NT5C2: variants seen among roughly 807,000 people sequenced by gnomAD.
The protein encoded by NT5C2 is cytosolic purine 5'-nucleotidase.
A neutral mutation model predicts 76.1 loss-of-function variants in NT5C2; 58 were observed. The ratio of observed to expected loss-of-function variants is 0.76; its 90% confidence interval spans 0.62 to 0.95. The LOEUF is 0.95. Among genes scored for constraint, NT5C2 ranks in the 40% least tolerant of loss-of-function variants. NT5C2 has a pLI of 0.00. For synonymous variants in NT5C2, 229 were observed against 237.4 expected, an observed-to-expected ratio of 0.96 and a Z score of 0.32; for missense variants, 478 against 690.3, an observed-to-expected ratio of 0.69 and a Z score of 3.45.
At chr10:103,123,070 ATT>A (rs1314306606) in intron 4 of NT5C2, among the ~76,000 whole-genome samples, 1 of 152,116 alleles carries the variant, frequency 6.6e-6, no homozygotes, top group Non-Finnish European at 1.5e-5. Flanking sequence ...AAGGAAAGAT[ATT>A]TCTTTCCCCT....
chr10:103,161,800 A>T (rs931413507), intron 3 of NT5C2, among the ~76,000 whole-genome samples: 4 of 152,216 alleles, frequency 2.6e-5, no homozygotes, highest in African/African-American at 9.6e-5. Context: ...TAAACTGTAT[A>T]AGTTCATTTA....
Position 103,093,962 on chromosome 10 carries a change from T to G in NT5C2, c.988+10A>C. The G allele has an allele frequency of 1.9e-6, 3 of 1,602,390 alleles. No homozygotes were observed. The highest frequency in any genetic ancestry group is 2.6e-6 in the Non-Finnish European group (3 of 1,169,312). On this transcript the variant is annotated intron_variant, in intron 14 of 18. Coordinates refer to ENST00000404739, the MANE Select transcript of NT5C2 (RefSeq NM_001351169.2). ...CAAAGACATTAAATAAAGGGAAGTC[T>G]GTGACTTACCTCCTGAGTAGACGAT...
At chr10:103,100,830 C>T in intron 8 of NT5C2, 1 of 665,334 alleles carries the variant, frequency 1.5e-6, no homozygotes, top group Non-Finnish European at 2.8e-6. Flanking sequence ...GTGGTGGCTG[C>T]AGCACACTGG....
At chr10:103,093,807 A>G in intron 14 of NT5C2, 165 bp downstream of exon 14, 1 of 570,928 alleles carries the variant, frequency 1.8e-6, no homozygotes, top group South Asian at 2.5e-5. Context: ...ACAACTGCTC[A>G]AACCCAGACT....
chr10:103,166,678 G>A (rs930062780), intron 3 of NT5C2, among the ~76,000 whole-genome samples: 5 of 152,092 alleles, frequency 3.3e-5, no homozygotes, highest in African/African-American at 1.2e-4. Context: ...TCTAGAGACA[G>A]GGTTTTCCTG....
rs1349494359 is a variant in NT5C2 at position 103,117,258 on chromosome 10, AATC to A, written c.176-10555_176-10553del. ...AAAAATGGAATTCTGAAATGAAAAT[AATC>A]AAACTGTATTATGAGATATGAGTAA... On this transcript the variant is annotated intron_variant, in intron 4 of 18. Transcript: ENST00000404739. Among the ~76,000 whole-genome samples the A allele has an allele frequency of 9.8e-5, 15 of 152,380 alleles. No individual in the cohort carries two copies. The East Asian group carries it at 2.7e-3, about 27-fold the overall frequency.
intron 3 of NT5C2, among the ~76,000 whole-genome samples, chr10:103,155,237 G>C (rs1252510026): frequency 1.3e-5 from 2 of 152,172 alleles, no homozygotes; most frequent in African/African-American, 4.8e-5. Context: ...TTAGAGATAC[G>C]CACAACAGAG....
rs1275721559 is a variant in NT5C2 at position 103,089,991 on chromosome 10, G to C, written c.1450-83C>G. On this transcript the variant is annotated intron_variant, in intron 18 of 18. Coordinates refer to ENST00000404739, the MANE Select transcript of NT5C2 (RefSeq NM_001351169.2). Reference sequence around the variant, plus strand: ...AAATCCTAACCCCTCTCCTCTGTTAGGTGGCCATGCAATTACATCTATAAT... The same window carrying C: ...AAATCCTAACCCCTCTCCTCTGTTACGTGGCCATGCAATTACATCTATAAT... 25 of 1,114,064 alleles carry C rather than the reference G, an allele frequency of 2.2e-5. 1 individual carries two copies. The East Asian group carries it at 6.2e-4, about 28-fold the overall frequency. 69.0% of individuals were successfully genotyped at this position (1,114,064 alleles called of 1,614,324 possible). A position where few individuals can be genotyped will look rare whatever the true frequency, so the allele number is the denominator to read the frequency against.
intron 3 of NT5C2, among the ~76,000 whole-genome samples, chr10:103,170,122 G>A (rs1201131273): frequency 1.3e-5 from 2 of 151,992 alleles, no homozygotes; most frequent in East Asian, 3.9e-4. Flanking sequence ...GCGAGACTCT[G>A]TCTCAAAAAA....
At chr10:103,187,678 A>C (rs1007430217) in intron 1 of NT5C2, among the ~76,000 whole-genome samples, 1 of 152,102 alleles carries the variant, frequency 6.6e-6, no homozygotes, top group Admixed American at 6.6e-5. Flanking sequence ...TTGATACAGA[A>C]TGTTTGAGCT....
At chr10:103,090,833 T>TCC in intron 17 of NT5C2, 46 bp from the exon 18 acceptor site, 1 of 1,606,242 alleles carries the variant, frequency 6.2e-7, no homozygotes, top group East Asian at 2.2e-5. Flanking sequence ...CAACAAATAT[T>TCC]TATTGAGCAG....
intron 1 of NT5C2, among the ~76,000 whole-genome samples, chr10:103,189,193 T>A (rs2135504507): frequency 6.6e-6 from 1 of 152,058 alleles, no homozygotes; most frequent in Middle Eastern, 3.4e-3. Flanking sequence ...TTTAATGGAG[T>A]TTCTTTAATG....
At chr10:103,163,406 G>T (rs944400136) in intron 3 of NT5C2, among the ~76,000 whole-genome samples, 4 of 152,182 alleles carry the variant, frequency 2.6e-5, no homozygotes, top group Non-Finnish European at 4.4e-5. Context: ...CAATGTATGA[G>T]AAGTTCCAGT....
intron 4 of NT5C2, among the ~76,000 whole-genome samples, chr10:103,128,122 C>G (rs868013927): frequency 3.2e-4 from 48 of 150,710 alleles, no homozygotes; most frequent in South Asian, 4.3e-4. Context: ...CCCTCTCATG[C>G]GGAGCCGAAG....
intron 8 of NT5C2, chr10:103,100,789 C>A: frequency 1.6e-6 from 1 of 620,208 alleles, no homozygotes; most frequent in Admixed American, 2.1e-5. Flanking sequence ...CTCTGCTGGC[C>A]GTCTTCATTC....
chr10:103,134,713 A>G (rs1044782765), intron 4 of NT5C2, among the ~76,000 whole-genome samples: 1 of 152,192 alleles, frequency 6.6e-6, no homozygotes, highest in African/African-American at 2.4e-5. Context: ...ATCCACTGAC[A>G]GCTTGCACCG....
At chr10:103,180,611 G>A (rs1391138381) in intron 2 of NT5C2, among the ~76,000 whole-genome samples, 1 of 152,070 alleles carries the variant, frequency 6.6e-6, no homozygotes, top group Non-Finnish European at 1.5e-5. Flanking sequence ...CATGCCTGTA[G>A]TCCCAGCTAC....
At chr10:103,164,681 T>C (rs1022817749) in intron 3 of NT5C2, among the ~76,000 whole-genome samples, 1 of 152,198 alleles carries the variant, frequency 6.6e-6, no homozygotes, top group Admixed American at 6.5e-5. Flanking sequence ...AAATTACTGA[T>C]ACAAAAACAT....
intron 4 of NT5C2, among the ~76,000 whole-genome samples, chr10:103,135,023 G>C (rs1053338784): frequency 1.5e-4 from 23 of 152,236 alleles, no homozygotes; most frequent in African/African-American, 5.3e-4. Flanking sequence ...TATGTAAGAA[G>C]TAACTAACTT....
Sources: allele counts gnomAD v4.1 joint callset (sites outside exome capture counted in the v4.1 genomes callset), GRCh38; gene constraint gnomAD v4.1.1; transcripts MANE v1.5; gene names NCBI Gene and HGNC (gene_info 2026-07-23, HGNC 2026-07-21).